Variants in FAM98C observed in about 807,000 individuals in gnomAD.
FAM98C encodes the protein protein FAM98C.
A neutral mutation model predicts 41.1 loss-of-function variants in FAM98C; 38 were observed. The observed-to-expected ratio is 0.92, with a 90% CI of 0.71 to 1.21. The LOEUF is 1.21. FAM98C is among the 50% of genes most tolerant of loss of function. The pLI, the probability that FAM98C is intolerant of heterozygous loss-of-function variation, is 0.00. For synonymous variants in FAM98C, 195 were observed against 216.7 expected (o/e 0.90, Z 0.88); for missense variants, 493 against 484.7 (o/e 1.02, Z -0.16).
chr19:38,408,172 C>T (rs1285943294), intron 7 of FAM98C: 1 of 151,792 alleles, frequency 6.6e-6, no homozygotes, highest in Admixed American at 6.6e-5. Flanking sequence ...TCACTTGAGC[C>T]CAGGAGCAGA....
chr19:38,403,822 G>A, intron 3 of FAM98C, 128 bp downstream of exon 3: 1 of 1,142,388 alleles, frequency 8.8e-7, no homozygotes, highest in Non-Finnish European at 1.1e-6. Context: ...GGTACGAGGT[G>A]GGTGGGGTGA....
chr19:38,405,971 C>G (rs1971035277), intron 6 of FAM98C: 1 of 245,876 alleles, frequency 4.1e-6, no homozygotes, highest in Admixed American at 5.0e-5. Context: ...ATTCTCCTGC[C>G]TCAGCCTCCT....
At chr19:38,405,283 G>A (rs1443506313) in intron 4 of FAM98C, 61 bp from the exon 5 acceptor site, 2 of 1,581,974 alleles carry the variant, frequency 1.3e-6, no homozygotes, top group African/African-American at 1.3e-5. Context: ...GTGGGGAGCT[G>A]AGTTTACAGA....
chr19:38,409,064 G>T lies in FAM98C; in HGVS notation c.*182G>T. The T allele has an allele frequency of 1.1e-5, 5 of 461,456 alleles. 1 individual carries two copies. Among genetic ancestry groups the T allele is most frequent in the South Asian group, 7.8e-5 (2 of 25,620 alleles). The allele number at this position is 461,456 out of a possible 1,614,324, so 28.6% of individuals were successfully genotyped here. A position where few individuals can be genotyped will look rare whatever the true frequency, so the allele number is the denominator to read the frequency against. On this transcript the variant is annotated 3_prime_UTR_variant, in exon 8 of 8. Transcript: ENST00000252530. Reference sequence around the variant, plus strand: ...AATACCAAGAACCATGTTCTCCAGAGAATAAATTTAATTTATGACAGCTGT... The same window carrying T: ...AATACCAAGAACCATGTTCTCCAGATAATAAATTTAATTTATGACAGCTGT...
chr19:38,404,295 G>T (rs2145173931), intron 3 of FAM98C, among the ~76,000 whole-genome samples: 1 of 152,310 alleles, frequency 6.6e-6, no homozygotes, highest in Non-Finnish European at 1.5e-5. Flanking sequence ...CGTAGGAGGG[G>T]ACAGGGTCTC....
rs746989100 is a variant in FAM98C at position 38,408,796 on chromosome 19, C to T, written c.964C>T (p.Leu322=). The T allele has an allele frequency of 1.5e-5, 24 of 1,613,704 alleles. No individual in the cohort carries two copies. In the African/African-American group the frequency reaches 2.0e-4, roughly 13 times the overall value. ...VPDRGGRPNE[L]EPPMPTWRSR... is the part of the protein sequence containing the mutation. ...AGACCGGGGGGGCCGCCCAAATGAG[C>T]TGGAGCCTCCCATGCCCACCTGGAG... Residue 322 remains leucine, a synonymous_variant, in exon 8 of 8, where the codon CTG becomes TTG. Coordinates refer to ENST00000252530, the MANE Select transcript of FAM98C (RefSeq NM_174905.4).
intron 7 of FAM98C, chr19:38,408,518 C>T (rs1235069471): frequency 2.1e-6 from 1 of 484,596 alleles, no homozygotes; most frequent in African/African-American, 2.0e-5. Flanking sequence ...GAGATCACAC[C>T]ACTGCACTCC....
At chr19:38,405,753 C>CA (rs1687250964) in intron 6 of FAM98C, 118 bp downstream of exon 6, 1 of 961,282 alleles carries the variant, frequency 1.0e-6, no homozygotes, top group Non-Finnish European at 1.6e-6. Context: ...AGGCCATGGA[C>CA]ATTTTATAAT....
intron 4 of FAM98C, 41 bp downstream of exon 4, chr19:38,405,154 T>C (rs772810714): frequency 7.0e-6 from 11 of 1,578,490 alleles, no homozygotes; most frequent in Non-Finnish European, 9.5e-6. Context: ...GCTACCCCAC[T>C]TTCCTTGTGG....
At position 38,408,776 on chromosome 19, in the gene FAM98C, G is replaced by C. The variant is rs375320861; in HGVS notation, c.944G>C (p.Arg315Pro). ...GTGCTTATGGGCAACGTTCCAGACC[G>C]GGGGGGCCGCCCAAATGAGCTGGAG... is the stretch of plus-strand genomic sequence containing the variant. ...NKVLMGNVPD[R>P]GGRPNELEPP... Residue 315 changes from arginine to proline, a missense_variant, in exon 8 of 8, where the codon CGG (arginine) becomes CCG (proline). Physicochemically the swap from Arg to Pro is moderately radical, Grantham distance 103 (BLOSUM62 -2). Coordinates refer to ENST00000252530, the MANE Select transcript of FAM98C (RefSeq NM_174905.4). The C allele has an allele frequency of 8.7e-6, 14 of 1,611,544 alleles. No individual in the cohort carries two copies. Among genetic ancestry groups the C allele is most frequent in the South Asian group, 2.2e-5 (2 of 90,932 alleles).
In FAM98C at chr19:38,405,041, C is replaced by A. The variant is rs747604691; in HGVS notation, c.483C>A (p.Leu161=). ...TGGTCCAAGAACTGGACCTTACCCT[C>A]CAAGCCCTGGGGCTGCCCAGACCTG... ...AGMVQELDLT[L]QALGLPRPAP... Residue 161 remains leucine, a synonymous_variant, in exon 4 of 8, where the codon CTC becomes CTA. Transcript: ENST00000252530. 1 of 1,614,020 alleles carries A rather than the reference C, an allele frequency of 6.2e-7. No homozygotes were observed.
intron 7 of FAM98C, chr19:38,408,343 A>C (rs1477480425): frequency 6.1e-6 from 1 of 164,208 alleles, no homozygotes; most frequent in Non-Finnish European, 1.3e-5. Context: ...GCGGATCACA[A>C]GGTCAAGAGA....
intron 6 of FAM98C, 22 bp downstream of exon 6, chr19:38,405,657 G>A (rs1382368944): frequency 1.9e-6 from 3 of 1,612,338 alleles, no homozygotes; most frequent in Non-Finnish European, 2.5e-6. Flanking sequence ...AGGGGACCAT[G>A]CAGAATTGGA....
intron 3 of FAM98C, 78 bp downstream of exon 3, chr19:38,403,772 T>A: frequency 7.4e-7 from 1 of 1,343,702 alleles, no homozygotes; most frequent in Non-Finnish European, 9.5e-7. Flanking sequence ...GAAATCGAGG[T>A]TCCCAAGGGG....
rs372012533 is a variant in FAM98C, at chr19:38,405,627, C to G, written c.742C>G (p.Arg248Gly). The G allele has an allele frequency of 6.2e-7, 1 of 1,614,084 alleles. No individual in the cohort carries two copies. Among genetic ancestry groups the G allele is most frequent in the South Asian group, 1.1e-5 (1 of 91,078 alleles). ...LTTSAFHWSD[R>G]AEAQGEAMRA... ...TACATCTGCTTTCCACTGGAGTGAC[C>G]GGGCAGAGGTGTGGTGGGCAGGGGA... The change falls in exon 6 of 8, where the codon CGG becomes GGG. Residue 248 changes from arginine (R) to glycine (G), a missense_variant. Transcript: ENST00000252530.
At chr19:38,405,239 C>A in intron 4 of FAM98C, 105 bp from the exon 5 acceptor site, 2 of 1,496,584 alleles carry the variant, frequency 1.3e-6, no homozygotes, top group Middle Eastern at 2.4e-4. Flanking sequence ...CTGTGACTGG[C>A]ATTCTCACAT....
intron 5 of FAM98C, 23 bp downstream of exon 5, chr19:38,405,444 G>T: frequency 6.2e-7 from 1 of 1,614,116 alleles, no homozygotes; most frequent in South Asian, 1.1e-5. Context: ...GCGACTGACT[G>T]AATGTGAACT....
Position 38,405,103 on chromosome 19 carries a change from T to C in FAM98C, c.545T>C (p.Leu182Ser). ...CCCGCCAGCCAGCTGCTGCAGGAGT[T>C]GCATGCTAAGGTAGAGAGTCAGAGT... ...GTPASQLLQE[L>S]HAKISELQPS... Residue 182 changes from leucine to serine, a missense_variant, in exon 4 of 8, where the codon TTG becomes TCG. Physicochemically the swap from Leu to Ser is moderately radical, Grantham distance 145. Transcript: ENST00000252530. 6.2e-7 allele frequency: 1 copy of C among 1,610,722 alleles called. No individual in the cohort carries two copies. Among genetic ancestry groups the C allele is most frequent in the Non-Finnish European group, 8.5e-7 (1 of 1,177,790 alleles).
chr19:38,405,053 GCTGCCC>G lies in FAM98C; in HGVS notation c.496_501del (p.Leu166_Pro167del). On this transcript the variant is annotated inframe_deletion, in exon 4 of 8. Transcript: ENST00000252530. The stretch of plus-strand genomic sequence containing the variant: ...TGGACCTTACCCTCCAAGCCCTGGG[GCTGCCC>G]AGACCTGCACCAGGGACCCCCGCCA... 1 of 1,614,044 alleles carries G rather than the reference GCTGCCC, an allele frequency of 6.2e-7. No individual in the cohort carries two copies. The highest frequency in any genetic ancestry group is 8.5e-7 in the Non-Finnish European group (1 of 1,179,990).
Sources: gnomAD v4.1 joint callset for allele counts (sites outside exome capture counted in the v4.1 genomes callset) on GRCh38, gnomAD v4.1.1 for gene constraint, MANE v1.5 for transcripts, NCBI Gene and HGNC (gene_info 2026-07-23, HGNC 2026-07-21) for gene names.